The following MBNL2 variants were observed in gnomAD, a reference collection of about 807,000 sequenced individuals.
The protein encoded by MBNL2 is muscleblind like splicing regulator 2.
In MBNL2, 17 loss-of-function variants were observed where a neutral mutation model predicts 41.9. That is an observed-to-expected ratio of 0.41 (90% CI 0.28 to 0.61). MBNL2 has a LOEUF of 0.61. MBNL2 is among the 20% of genes least tolerant of loss of function. MBNL2 has a pLI of 0.35. For missense variants in MBNL2, 336 were observed against 505.6 expected, an observed-to-expected ratio of 0.66 and a Z score of 3.22; for synonymous variants, 195 against 182.9, an observed-to-expected ratio of 1.07 and a Z score of -0.53.
the MBNL2 span, among the ~76,000 whole-genome samples, chr13:97,176,964 A>T: frequency 5.4e-4 from 82 of 152,262 alleles, 4 homozygotes; most frequent in South Asian, 0.014. Flanking sequence ...GCAGAAAAAA[A>T]ATATAGAGAA....
chr13:97,269,378 T>C (rs2050468824), intron 1 of MBNL2, among the ~76,000 whole-genome samples: 1 of 152,176 alleles, frequency 6.6e-6, no homozygotes, highest in African/African-American at 2.4e-5. Context: ...GGAATCTTGA[T>C]GGAAATTTTC....
At chr13:97,160,556 A>T in the MBNL2 span, among the ~76,000 whole-genome samples, 4 of 152,160 alleles carry the variant, frequency 2.6e-5, no homozygotes, top group African/African-American at 9.7e-5. Flanking sequence ...AGGCACCTAG[A>T]CACGCACACA....
At chr13:97,350,385 G>A (rs1226544971) in intron 5 of MBNL2, among the ~76,000 whole-genome samples, 1 of 152,186 alleles carries the variant, frequency 6.6e-6, no homozygotes, top group Non-Finnish European at 1.5e-5. Context: ...TGTGATGGCT[G>A]TGGTAATTTC....
At chr13:97,284,950 G>A (rs1375800161) in intron 2 of MBNL2, among the ~76,000 whole-genome samples, 1 of 152,206 alleles carries the variant, frequency 6.6e-6, no homozygotes, top group Non-Finnish European at 1.5e-5. Context: ...GCTTTGGGCA[G>A]TGATGCTAAC....
chr13:97,177,265 G>A, the MBNL2 span, among the ~76,000 whole-genome samples: 1 of 152,140 alleles, frequency 6.6e-6, no homozygotes, highest in Middle Eastern at 3.2e-3. Context: ...CTTGAACCTG[G>A]GAGGCAGAGG....
At chr13:97,317,596 G>T (rs2059164363) in intron 2 of MBNL2, among the ~76,000 whole-genome samples, 1 of 152,150 alleles carries the variant, frequency 6.6e-6, no homozygotes. Flanking sequence ...TGAAATCCAG[G>T]TGCCTCATTT....
At chr13:97,153,460 T>C in the MBNL2 span, among the ~76,000 whole-genome samples, 3 of 152,050 alleles carry the variant, frequency 2.0e-5, no homozygotes, top group Admixed American at 1.3e-4. Flanking sequence ...TCCAAACAAA[T>C]AGTTAAAAGT....
chr13:97,359,956 T>A (rs1329971237), intron 7 of MBNL2, among the ~76,000 whole-genome samples: 1 of 152,248 alleles, frequency 6.6e-6, no homozygotes, highest in Non-Finnish European at 1.5e-5. Context: ...TCATTTTAGC[T>A]TAAGTTTTTG....
the MBNL2 span, among the ~76,000 whole-genome samples, chr13:97,194,432 C>G: frequency 6.6e-6 from 1 of 152,158 alleles, no homozygotes; most frequent in Non-Finnish European, 1.5e-5. Flanking sequence ...CTTTGGCAAA[C>G]AAGACCCCTG....
At chr13:97,208,936 T>C in the MBNL2 span, among the ~76,000 whole-genome samples, 1 of 152,296 alleles carries the variant, frequency 6.6e-6, no homozygotes, top group South Asian at 2.1e-4. Flanking sequence ...GGACATAAAC[T>C]CAGCAATTAA....
At chr13:97,304,759 A>G (rs2057967329) in intron 2 of MBNL2, among the ~76,000 whole-genome samples, 1 of 152,254 alleles carries the variant, frequency 6.6e-6, no homozygotes, top group Non-Finnish European at 1.5e-5. Context: ...TATTACATAT[A>G]TATTATTACA....
the MBNL2 span, among the ~76,000 whole-genome samples, chr13:97,186,972 T>C: frequency 6.6e-6 from 1 of 152,178 alleles, no homozygotes; most frequent in Non-Finnish European, 1.5e-5. Flanking sequence ...TGACTTTGTT[T>C]TGTAGGGACC....
At chr13:97,212,337 G>T in the MBNL2 span, among the ~76,000 whole-genome samples, 2 of 152,084 alleles carry the variant, frequency 1.3e-5, no homozygotes, top group African/African-American at 4.8e-5. Context: ...TCTCTGTTCA[G>T]AGGGCGCTTT....
At position 97,311,019 on chromosome 13, in the gene MBNL2, G is replaced by A. The variant is rs987587283; in HGVS notation, c.175-23257G>A. ...ATGCTGAGTGCTCAGATAAGATTAC[G>A]TTTGAGAATAGGCAGATTCAAGACA... is the stretch of plus-strand genomic sequence containing the variant. On this transcript the variant is annotated intron_variant, in intron 2 of 8. Coordinates refer to ENST00000679496, the MANE Select transcript of MBNL2 (RefSeq NM_001382683.1). Among the ~76,000 whole-genome samples, 11 of 152,200 alleles carry A rather than the reference G, an allele frequency of 7.2e-5. 1 individual carries two copies. The highest frequency in any genetic ancestry group is 1.2e-4 in the African/African-American group (5 of 41,526).
chr13:97,166,762 A>G, the MBNL2 span, among the ~76,000 whole-genome samples: 1 of 150,566 alleles, frequency 6.6e-6, no homozygotes, highest in South Asian at 2.1e-4. Context: ...CGTGTGAGTT[A>G]ATACTTACTA....
At position 97,366,759 on chromosome 13, in the gene MBNL2, G is replaced by A; in HGVS notation, c.1048+1588G>A. On this transcript the variant is annotated intron_variant, in intron 8 of 8. Coordinates refer to ENST00000679496, the MANE Select transcript of MBNL2 (RefSeq NM_001382683.1). This position sits in a 1 kb window ranked among gnomAD's most constrained non-coding sequence, Gnocchi z 4.7. Reference sequence around the variant, plus strand: ...GCAAATAATGATGTAGCTATGTTTTGTGTTGCACTGTTTGTTTTCGTACCT... The same window carrying A: ...GCAAATAATGATGTAGCTATGTTTTATGTTGCACTGTTTGTTTTCGTACCT... 5 of 635,540 alleles carry A rather than the reference G, an allele frequency of 7.9e-6. No homozygotes were observed. Among genetic ancestry groups the A allele is most frequent in the Non-Finnish European group, 1.1e-5 (4 of 357,828 alleles). The allele number at this position is 635,540 out of a possible 1,614,324, so 39.4% of individuals were successfully genotyped here.
chr13:97,367,362 C>G (rs2063934408), intron 8 of MBNL2, among the ~76,000 whole-genome samples: 1 of 152,220 alleles, frequency 6.6e-6, no homozygotes, highest in African/African-American at 2.4e-5. Flanking sequence ...CAGAAACTCT[C>G]ACCTCGCCTG....
chr13:97,390,619 A>G (rs2066324478), intron 8 of MBNL2, among the ~76,000 whole-genome samples: 1 of 152,186 alleles, frequency 6.6e-6, no homozygotes. Flanking sequence ...CTGGAAATGA[A>G]CTTAGAGATC....
At chr13:97,202,883 T>G in the MBNL2 span, among the ~76,000 whole-genome samples, 1 of 152,206 alleles carries the variant, frequency 6.6e-6, no homozygotes, top group Non-Finnish European at 1.5e-5. Context: ...GGGTTTGAAC[T>G]GGGGCTGGAC....
Sources: gnomAD v4.1 joint callset for allele counts (sites outside exome capture counted in the v4.1 genomes callset) on GRCh38, gnomAD v4.1.1 for gene constraint, Gnocchi (gnomAD v3.1) non-coding constraint, MANE v1.5 for transcripts, NCBI Gene and HGNC (gene_info 2026-07-23, HGNC 2026-07-21) for gene names.